SPIN2B: variants seen among roughly 807,000 people sequenced by gnomAD.
SPIN2B encodes the protein spindlin-2B.
SPIN2B carries 1 observed loss-of-function variant against 9.3 expected under a neutral mutation model. The observed-to-expected ratio is 0.11, with a 90% CI of 0.04 to 0.51. The LOEUF (loss-of-function observed/expected upper bound fraction) is 0.51, where lower values mean the gene tolerates loss of function less well. Among genes scored for constraint, SPIN2B ranks in the 20% least tolerant of loss-of-function variants. The pLI, the probability that SPIN2B is intolerant of heterozygous loss-of-function variation, is 0.94. For missense variants in SPIN2B, 32 were observed against 174.0 expected, an observed-to-expected ratio of 0.18 and a Z score of 4.59; for synonymous variants, 15 against 63.4, an observed-to-expected ratio of 0.24 and a Z score of 3.63.
In SPIN2B at chrX:57,121,295, C is replaced by G. The variant is rs1927164661; in HGVS notation, c.-60G>C. 3.4e-5 allele frequency: 26 copies of G among 759,319 alleles called. No homozygotes were observed. Among genetic ancestry groups the G allele is most frequent in the Non-Finnish European group, 4.1e-5 (26 of 641,664 alleles). The allele number at this position is 759,319 out of a possible 1,213,427, so 62.6% of individuals were successfully genotyped here. On this transcript the variant is annotated 5_prime_UTR_variant, in exon 1 of 2. Transcript: ENST00000434397. ...CCTCACGTGCCCAAATCGGACACCTCGCTGCTGCCTCCGCTACGAGCCTGT... is the reference window on the plus strand; with the variant it reads ...CCTCACGTGCCCAAATCGGACACCTGGCTGCTGCCTCCGCTACGAGCCTGT...
At chrX:57,121,074 C>G in intron 1 of SPIN2B, 164 bp downstream of exon 1, 1 of 754,393 alleles carries the variant, frequency 1.3e-6, no homozygotes, top group Non-Finnish European at 1.6e-6. Context: ...TGCTTCCCGG[C>G]GCTCACCTTC....
chrX:57,120,893 G>A (rs1432430253), intron 1 of SPIN2B, among the ~76,000 whole-genome samples: 1 of 108,650 alleles, frequency 9.2e-6, no homozygotes, highest in Admixed American at 9.8e-5. Flanking sequence ...CCTCCTCCTA[G>A]CTCAGAGCCC....
In SPIN2B at chrX:57,121,456, G is replaced by T; in HGVS notation, c.-221C>A. Reference sequence around the variant, plus strand: ...GAAGGCAGCGGCGTCCCCACCGCTTGGCTCGCTAGCCCTCCGCCTCCCTGC... The same window carrying T: ...GAAGGCAGCGGCGTCCCCACCGCTTTGCTCGCTAGCCCTCCGCCTCCCTGC... On this transcript the variant is annotated 5_prime_UTR_variant, in exon 1 of 2. Transcript: ENST00000434397. 3.5e-6 allele frequency: 1 copy of T among 288,342 alleles called. No homozygotes were observed. Among genetic ancestry groups the T allele is most frequent in the Non-Finnish European group, 4.7e-6 (1 of 213,173 alleles). 23.8% of individuals were successfully genotyped at this position (288,342 alleles called of 1,213,427 possible).
At chrX:57,121,142 C>A in intron 1 of SPIN2B, 96 bp downstream of exon 1, 1 of 780,045 alleles carries the variant, frequency 1.3e-6, no homozygotes. Flanking sequence ...CGCACTCCCC[C>A]ACCCCACCCT....
At chrX:57,120,996 G>C in intron 1 of SPIN2B, 1 of 736,924 alleles carries the variant, frequency 1.4e-6, no homozygotes. Flanking sequence ...CTCCTTCCCT[G>C]AGCGTCCCAG....
In SPIN2B at chrX:57,121,320, T is replaced by G; in HGVS notation, c.-85A>C. On this transcript the variant is annotated 5_prime_UTR_variant, in exon 1 of 2. Coordinates refer to ENST00000434397, the MANE Select transcript of SPIN2B (RefSeq NM_001006681.2). ...CGCTGCTGCCTCCGCTACGAGCCTG[T>G]GGCGAAGGAGGGTCAGCAGGCGACC... 2 of 754,380 alleles carry G rather than the reference T, an allele frequency of 2.7e-6. No homozygotes were observed. The highest frequency in any genetic ancestry group is 3.1e-6 in the Non-Finnish European group (2 of 637,857). 62.2% of individuals were successfully genotyped at this position (754,380 alleles called of 1,213,427 possible).
At position 57,121,288 on chromosome X, in the gene SPIN2B, G is replaced by A; in HGVS notation, c.-53C>T. 1 of 760,145 alleles carries A rather than the reference G, an allele frequency of 1.3e-6. No individual in the cohort carries two copies. The highest frequency in any genetic ancestry group is 1.6e-6 in the Non-Finnish European group (1 of 642,168). The allele number at this position is 760,145 out of a possible 1,213,427, so 62.6% of individuals were successfully genotyped here. A position where few individuals can be genotyped will look rare whatever the true frequency, so the allele number is the denominator to read the frequency against. ...TCGCGGGCCTCACGTGCCCAAATCG[G>A]ACACCTCGCTGCTGCCTCCGCTACG... On this transcript the variant is annotated 5_prime_UTR_variant, in exon 1 of 2. Coordinates refer to ENST00000434397, the MANE Select transcript of SPIN2B (RefSeq NM_001006681.2).
In SPIN2B at chrX:57,121,305, T is replaced by C. The variant is rs1602007795; in HGVS notation, c.-70A>G. On this transcript the variant is annotated 5_prime_UTR_variant, in exon 1 of 2. Transcript: ENST00000434397. ...CCAAATCGGACACCTCGCTGCTGCC[T>C]CCGCTACGAGCCTGTGGCGAAGGAG... 1.3e-6 allele frequency: 1 copy of C among 757,604 alleles called. No homozygotes were observed. The highest frequency in any genetic ancestry group is 6.5e-5 in the South Asian group (1 of 15,338). The allele number at this position is 757,604 out of a possible 1,213,427, so 62.4% of individuals were successfully genotyped here.
chrX:57,121,233 C>G lies in SPIN2B; in HGVS notation c.-3+5G>C, dbSNP rs1025088345. 1.3e-6 allele frequency: 1 copy of G among 759,775 alleles called. No homozygotes were observed. The highest frequency in any genetic ancestry group is 1.6e-6 in the Non-Finnish European group (1 of 642,250). The allele number at this position is 759,775 out of a possible 1,213,427, so 62.6% of individuals were successfully genotyped here. On this transcript the variant is annotated splice_donor_5th_base_variant and intron_variant, in intron 1 of 1. Transcript: ENST00000434397. ...CTCCATTCTGGCGCCCACTAATGGC[C>G]TTGCCCTGCCTGGCGTCCACCGCCG...
In SPIN2B at chrX:57,121,535, C is replaced by G. The variant is rs1006696563; in HGVS notation, c.-300G>C. On this transcript the variant is annotated 5_prime_UTR_variant, in exon 1 of 2. Transcript: ENST00000434397. The stretch of plus-strand genomic sequence containing the variant: ...GGATTCCACCAGTCCCTGCTGTCGC[C>G]GCGGCAGTCTCCTCCCTCTTTCCGT... 1.5e-4 allele frequency: 18 copies of G among 117,189 alleles called. No homozygotes were observed. The highest frequency in any genetic ancestry group is 3.1e-4 in the Non-Finnish European group (18 of 57,612). The allele number at this position is 117,189 out of a possible 1,213,427, so 9.7% of individuals were successfully genotyped here. A position where few individuals can be genotyped will look rare whatever the true frequency, so the allele number is the denominator to read the frequency against.
In SPIN2B at chrX:57,121,415, C is replaced by T; in HGVS notation, c.-180G>A. 2.0e-6 allele frequency: 1 copy of T among 512,188 alleles called. No individual in the cohort carries two copies. The highest frequency in any genetic ancestry group is 2.4e-6 in the Non-Finnish European group (1 of 417,947). 42.2% of individuals were successfully genotyped at this position (512,188 alleles called of 1,213,427 possible). On this transcript the variant is annotated 5_prime_UTR_variant, in exon 1 of 2. Transcript: ENST00000434397. ...ATGAGGAGCGTGTCTAGGAGGGCGG[C>T]GAGACAGGCAAAGAGGAAGGCAGCG...
intron 1 of SPIN2B, chrX:57,120,980 A>T: frequency 1.4e-6 from 1 of 711,749 alleles, no homozygotes; most frequent in Non-Finnish European, 1.7e-6. Flanking sequence ...ACCGGCACCC[A>T]CTGCCCTCCT....
Position 57,120,171 on chromosome X carries a change from A to C in SPIN2B, c.459T>G (p.Ala153=). Residue 153 remains alanine, a synonymous_variant, in exon 2 of 2, where the codon GCT becomes GCG. Coordinates refer to ENST00000434397, the MANE Select transcript of SPIN2B (RefSeq NM_001006681.2). Reference sequence around the variant, plus strand: ...ACCAGGCTTTCATGATAGGTGCTTGAGCTAAGACCATCCCCCTCCATTCAT... The same window carrying C: ...ACCAGGCTTTCATGATAGGTGCTTGCGCTAAGACCATCCCCCTCCATTCAT... ...SKDEWRGMVL[A]QAPIMKAWFY... 1 of 1,209,741 alleles carries C rather than the reference A, an allele frequency of 8.3e-7. No homozygotes were observed. The highest frequency in any genetic ancestry group is 1.1e-6 in the Non-Finnish European group (1 of 894,960).
chrX:57,119,697 T>C lies in SPIN2B; in HGVS notation c.*156A>G. ...ACACAGCATGTCATGTACACACAAGTTTGTATTTTTTAGAGCAAAACAACA... is the reference window on the plus strand; with the variant it reads ...ACACAGCATGTCATGTACACACAAGCTTGTATTTTTTAGAGCAAAACAACA... On this transcript the variant is annotated 3_prime_UTR_variant, in exon 2 of 2. Transcript: ENST00000434397. 1 of 1,057,859 alleles carries C rather than the reference T, an allele frequency of 9.5e-7. No individual in the cohort carries two copies. The highest frequency in any genetic ancestry group is 1.2e-6 in the Non-Finnish European group (1 of 802,897). 87.2% of individuals were successfully genotyped at this position (1,057,859 alleles called of 1,213,427 possible).
In SPIN2B at chrX:57,121,395, G is replaced by C; in HGVS notation, c.-160C>G. The C allele has an allele frequency of 3.2e-6, 2 of 625,035 alleles. No homozygotes were observed. The highest frequency in any genetic ancestry group is 3.8e-6 in the Non-Finnish European group (2 of 520,750). 51.5% of individuals were successfully genotyped at this position (625,035 alleles called of 1,213,427 possible). A position where few individuals can be genotyped will look rare whatever the true frequency, so the allele number is the denominator to read the frequency against. On this transcript the variant is annotated 5_prime_UTR_variant, in exon 1 of 2. Coordinates refer to ENST00000434397, the MANE Select transcript of SPIN2B (RefSeq NM_001006681.2). ...GGGGAGGGTAGGATCCGTAGATGAG[G>C]AGCGTGTCTAGGAGGGCGGCGAGAC...
intron 1 of SPIN2B, chrX:57,121,003 C>A: frequency 2.7e-6 from 2 of 743,102 alleles, no homozygotes; most frequent in Non-Finnish European, 3.2e-6. Context: ...CCTGAGCGTC[C>A]CAGCTGCTGT....
intron 1 of SPIN2B, chrX:57,120,939 C>T: frequency 1.7e-6 from 1 of 590,465 alleles, no homozygotes; most frequent in Non-Finnish European, 2.0e-6. Context: ...CCACTGGCGT[C>T]CACTTCCAAT....
chrX:57,120,967 T>G (rs1487637657), intron 1 of SPIN2B: 10 of 692,205 alleles, frequency 1.4e-5, no homozygotes, highest in Non-Finnish European at 1.4e-5. Context: ...CAAAGAGGCC[T>G]TGACCGGCAC....
Position 57,121,422 on chromosome X carries a change from G to T in SPIN2B, c.-187C>A. 2.1e-6 allele frequency: 1 copy of T among 483,930 alleles called. No individual in the cohort carries two copies. The highest frequency in any genetic ancestry group is 2.6e-6 in the Non-Finnish European group (1 of 391,886). 39.9% of individuals were successfully genotyped at this position (483,930 alleles called of 1,213,427 possible). On this transcript the variant is annotated 5_prime_UTR_variant, in exon 1 of 2. It adds an upstream start codon to the 5' untranslated region. Transcript: ENST00000434397. ...GCGTGTCTAGGAGGGCGGCGAGACA[G>T]GCAAAGAGGAAGGCAGCGGCGTCCC...
Sources: gnomAD v4.1 joint callset for allele counts (sites outside exome capture counted in the v4.1 genomes callset) on GRCh38, gnomAD v4.1.1 for gene constraint, MANE v1.5 for transcripts, NCBI Gene and HGNC (gene_info 2026-07-23, HGNC 2026-07-21) for gene names.